Variants in GPC5 observed in about 807,000 individuals in gnomAD.
GPC5 encodes the protein glypican-5.
In GPC5, 47 loss-of-function variants were observed where a neutral mutation model predicts 53.9. The observed-to-expected ratio is 0.87, with a 90% CI of 0.69 to 1.11. The LOEUF (loss-of-function observed/expected upper bound fraction) is 1.11, where lower values mean the gene tolerates loss of function less well. GPC5 is among the 50% of genes most tolerant of loss of function. GPC5 has a pLI of 0.00. For missense variants in GPC5, 748 were observed against 713.1 expected (o/e 1.05, Z -0.56); for synonymous variants, 286 against 263.3 (o/e 1.09, Z -0.84).
intron 7 of GPC5, among the ~76,000 whole-genome samples, chr13:92,253,093 G>A (rs1336145669): frequency 7.2e-5 from 11 of 152,104 alleles, no homozygotes; most frequent in Non-Finnish European, 1.6e-4. Flanking sequence ...CTGCTAAGAT[G>A]GGGAGTATTT....
At position 92,583,808 on chromosome 13, in the gene GPC5, G is replaced by T. The variant is rs1271363215; in HGVS notation, c.1562-282474G>T. Among the ~76,000 whole-genome samples, 4 of 152,270 alleles carry T rather than the reference G, an allele frequency of 2.6e-5. No homozygotes were observed. In the East Asian group the frequency reaches 7.7e-4, roughly 29 times the overall value. On this transcript the variant is annotated intron_variant, in intron 7 of 7. Coordinates refer to ENST00000377067, the MANE Select transcript of GPC5 (RefSeq NM_004466.6). ...CAAGTGTTGTGGGAGGGACCTCGTG[G>T]CAGGTAATTGAATCATGAGGGCAGG...
At chr13:91,515,933 G>A (rs1885474305) in intron 2 of GPC5, among the ~76,000 whole-genome samples, 1 of 152,178 alleles carries the variant, frequency 6.6e-6, no homozygotes, top group Non-Finnish European at 1.5e-5. Context: ...AAAGAAAAAT[G>A]AGGAAGAAGC....
intron 5 of GPC5, among the ~76,000 whole-genome samples, chr13:91,805,945 T>A (rs1328890235): frequency 6.6e-6 from 1 of 151,900 alleles, no homozygotes; most frequent in Non-Finnish European, 1.5e-5. Flanking sequence ...TTCGCCTTTT[T>A]AAAATATGTG....
intron 7 of GPC5, among the ~76,000 whole-genome samples, chr13:92,838,545 C>T (rs754045079): frequency 1.3e-5 from 2 of 150,952 alleles, no homozygotes; most frequent in Non-Finnish European, 2.9e-5. Context: ...AATATTATAT[C>T]GTGCCTCTAT....
rs147427053 is a variant in GPC5 at position 92,585,754 on chromosome 13, T to G, written c.1562-280528T>G. Among the ~76,000 whole-genome samples the G allele has an allele frequency of 9.3e-4, 141 of 152,282 alleles. No homozygotes were observed. In the East Asian group the frequency reaches 0.022, roughly 24 times the overall value. ...AGGGATGTGGTGGCAGGTAATTGAA[T>G]CATGGGGTCAGGTCTTTCCTGTGCT... On this transcript the variant is annotated intron_variant, in intron 7 of 7. Coordinates refer to ENST00000377067, the MANE Select transcript of GPC5 (RefSeq NM_004466.6).
At chr13:92,572,112 T>C (rs1055612753) in intron 7 of GPC5, among the ~76,000 whole-genome samples, 1 of 152,166 alleles carries the variant, frequency 6.6e-6, no homozygotes. Context: ...TTAAATAAGA[T>C]TATTGATAAA....
rs558334227 is a variant in GPC5, at chr13:92,726,992, T to G, written c.1562-139290T>G. Reference sequence around the variant, plus strand: ...TGATAGTAGGAACATAAAATTTAAATATACTTCCTAATAATGTTGCCTCTT... The same window carrying G: ...TGATAGTAGGAACATAAAATTTAAAGATACTTCCTAATAATGTTGCCTCTT... On this transcript the variant is annotated intron_variant, in intron 7 of 7. Coordinates refer to ENST00000377067, the MANE Select transcript of GPC5 (RefSeq NM_004466.6). 1.5e-4 allele frequency among the ~76,000 whole-genome samples: 22 copies of G among 151,654 alleles called. 1 individual carries two copies. The South Asian group carries it at 3.3e-3, about 23-fold the overall frequency.
intron 7 of GPC5, among the ~76,000 whole-genome samples, chr13:92,156,828 T>C (rs2041948447): frequency 6.6e-6 from 1 of 152,076 alleles, no homozygotes; most frequent in Non-Finnish European, 1.5e-5. Context: ...GATTTACATA[T>C]ATATGTGTGT....
At chr13:92,434,109 C>T (rs1030685054) in intron 7 of GPC5, among the ~76,000 whole-genome samples, 8 of 152,168 alleles carry the variant, frequency 5.3e-5, no homozygotes, top group Non-Finnish European at 1.0e-4. Context: ...GGAACATAGA[C>T]CTTGCCCTCA....
intron 7 of GPC5, among the ~76,000 whole-genome samples, chr13:92,527,255 GAAAGAAAGAAAGAAAGAAAGAAAGAAAA>G (rs1566277294): frequency 2.6e-5 from 2 of 78,318 alleles, no homozygotes; most frequent in Admixed American, 2.4e-4. Context: ...GAAAGAGAAA[GAAAGAAAGAAAGAAAGAAAGAAAGAAAA>G]AGATCAACAG....
intron 6 of GPC5, among the ~76,000 whole-genome samples, chr13:92,018,805 A>G (rs191835225): frequency 3.9e-4 from 60 of 152,252 alleles, no homozygotes; most frequent in African/African-American, 1.4e-3. Flanking sequence ...GTATATGCCA[A>G]TAAATATAAA....
chr13:92,278,149 A>G (rs2042889036), intron 7 of GPC5, among the ~76,000 whole-genome samples: 1 of 151,894 alleles, frequency 6.6e-6, no homozygotes, highest in Admixed American at 6.6e-5. Flanking sequence ...ATATTACTTA[A>G]CATTAGTATA....
chr13:92,512,658 G>C (rs1880616784), intron 7 of GPC5, among the ~76,000 whole-genome samples: 1 of 152,040 alleles, frequency 6.6e-6, no homozygotes, highest in Non-Finnish European at 1.5e-5. Flanking sequence ...TGTATTTTCA[G>C]TGTTCATTTA....
chr13:91,860,104 T>A (rs960076830), intron 5 of GPC5, among the ~76,000 whole-genome samples: 1 of 152,160 alleles, frequency 6.6e-6, no homozygotes, highest in Admixed American at 6.5e-5. Flanking sequence ...TATTTGAAAC[T>A]ATATAATATA....
intron 7 of GPC5, among the ~76,000 whole-genome samples, chr13:92,540,542 G>A (rs2139001450): frequency 6.6e-6 from 1 of 151,932 alleles, no homozygotes; most frequent in Admixed American, 6.6e-5. Flanking sequence ...TTACAAAATT[G>A]GATCCATTCG....
chr13:91,573,294 G>T (rs2032006051), intron 2 of GPC5, among the ~76,000 whole-genome samples: 1 of 152,154 alleles, frequency 6.6e-6, no homozygotes, highest in Non-Finnish European at 1.5e-5. Context: ...ATTTGCCTGG[G>T]TCACATTTAA....
chr13:91,692,964 A>T (rs949686291), intron 2 of GPC5, among the ~76,000 whole-genome samples: 6 of 152,118 alleles, frequency 3.9e-5, no homozygotes, highest in African/African-American at 1.4e-4. Flanking sequence ...TTTTAAACAG[A>T]TTGTGATCCT....
At chr13:92,362,814 A>T (rs2043578966) in intron 7 of GPC5, among the ~76,000 whole-genome samples, 1 of 151,802 alleles carries the variant, frequency 6.6e-6, no homozygotes, top group Non-Finnish European at 1.5e-5. Flanking sequence ...AGGGGTAAAG[A>T]ATATCTCCTT....
intron 5 of GPC5, among the ~76,000 whole-genome samples, chr13:91,873,195 C>T (rs1449026619): frequency 2.0e-5 from 3 of 152,114 alleles, no homozygotes; most frequent in Admixed American, 6.6e-5. Flanking sequence ...ATCTAATCTG[C>T]AGTCTTAGTA....
Sources: gnomAD v4.1 joint callset for allele counts (sites outside exome capture counted in the v4.1 genomes callset) on GRCh38, gnomAD v4.1.1 for gene constraint, MANE v1.5 for transcripts, NCBI Gene and HGNC (gene_info 2026-07-23, HGNC 2026-07-21) for gene names.